RPS6KA2: variants seen among roughly 807,000 people sequenced by gnomAD.
The protein encoded by RPS6KA2 is ribosomal protein S6 kinase alpha-2.
A neutral mutation model predicts 91.8 loss-of-function variants in RPS6KA2; 42 were observed. The observed-to-expected ratio is 0.46, with a 90% CI of 0.36 to 0.59. The LOEUF (loss-of-function observed/expected upper bound fraction) is 0.59, where lower values mean the gene tolerates loss of function less well. Ranked by LOEUF, RPS6KA2 falls within the 20% of genes least tolerant of loss-of-function variation. The pLI is 0.00. For missense variants in RPS6KA2, 798 were observed against 978.5 expected, an observed-to-expected ratio of 0.82 and a Z score of 2.46; for synonymous variants, 414 against 393.6, an observed-to-expected ratio of 1.05 and a Z score of -0.61.
At chr6:166,640,813 G>GT (rs1171312020) in intron 2 of RPS6KA2, among the ~76,000 whole-genome samples, 1 of 148,724 alleles carries the variant, frequency 6.7e-6, no homozygotes, top group Non-Finnish European at 1.5e-5. Context: ...GCCAAGCAGG[G>GT]TGTGGGGGGT....
At chr6:166,514,274 C>A (rs1173458190) in intron 3 of RPS6KA2, among the ~76,000 whole-genome samples, 1 of 152,226 alleles carries the variant, frequency 6.6e-6, no homozygotes, top group Non-Finnish European at 1.5e-5. Flanking sequence ...AAGAGGCAGG[C>A]TCTGCCCTCC....
intron 2 of RPS6KA2, among the ~76,000 whole-genome samples, chr6:166,791,343 A>C (rs1483174891): frequency 6.6e-6 from 1 of 152,178 alleles, no homozygotes; most frequent in African/African-American, 2.4e-5. Flanking sequence ...CACCCAATAC[A>C]GGAGCACCCA....
Position 166,666,562 on chromosome 6 carries a change from G to A in RPS6KA2, c.124-127778C>T, listed in dbSNP as rs908041475. Among the ~76,000 whole-genome samples the A allele has an allele frequency of 6.6e-6, 1 of 152,122 alleles. No homozygotes were observed. Among genetic ancestry groups the A allele is most frequent in the Non-Finnish European group, 1.5e-5 (1 of 68,026 alleles). ...CAACACCACAAGCAAATCAACACCC[G>A]ATAAGATACCCCCTCTCACCTGTTG... On this transcript the variant is annotated intron_variant, in intron 2 of 21. Transcript: ENST00000503859. This position sits in a 1 kb window ranked among gnomAD's most constrained non-coding sequence, Gnocchi z 4.0.
Position 166,434,095 on chromosome 6 carries a change from C to T in RPS6KA2, c.1333-1605G>A, listed in dbSNP as rs562060268. 2.0e-5 allele frequency among the ~76,000 whole-genome samples: 3 copies of T among 152,206 alleles called. No homozygotes were observed. Among genetic ancestry groups the T allele is most frequent in the Non-Finnish European group, 4.4e-5 (3 of 68,046 alleles). ...TTTAGAGAACCAAACGCTTGGGTAG[C>T]ATTTGACTCACTGCTCATAATCTGT... On this transcript the variant is annotated intron_variant, in intron 14 of 20. Transcript: ENST00000265678. This position sits in a 1 kb window ranked among gnomAD's most constrained non-coding sequence, Gnocchi z 4.4.
At chr6:166,579,809 T>C (rs1784949292) in intron 1 of RPS6KA2, among the ~76,000 whole-genome samples, 1 of 152,214 alleles carries the variant, frequency 6.6e-6, no homozygotes, top group Non-Finnish European at 1.5e-5. Flanking sequence ...ATTGAAATTT[T>C]ATCTCTAAAG....
intron 2 of RPS6KA2, among the ~76,000 whole-genome samples, chr6:166,743,686 C>T (rs968444265): frequency 1.3e-5 from 2 of 152,222 alleles, no homozygotes; most frequent in African/African-American, 4.8e-5. Flanking sequence ...ATGCCCCTGG[C>T]GGCGCCATGC....
At chr6:166,469,952 T>A (rs1201157651) in intron 10 of RPS6KA2, 47 bp from the exon 11 acceptor site, 2 of 1,529,640 alleles carry the variant, frequency 1.3e-6, no homozygotes, top group Non-Finnish European at 1.8e-6. Context: ...CAAGATGGGG[T>A]TCTCTGACAG....
intron 10 of RPS6KA2, among the ~76,000 whole-genome samples, chr6:166,473,169 AAGTGC>A (rs1467024883): frequency 6.6e-6 from 1 of 151,750 alleles, no homozygotes; most frequent in Non-Finnish European, 1.5e-5. Flanking sequence ...TCAATGACTA[AAGTGC>A]AGTGCAGTGC....
intron 2 of RPS6KA2, among the ~76,000 whole-genome samples, chr6:166,699,340 C>A (rs1294882788): frequency 6.6e-6 from 1 of 152,086 alleles, no homozygotes; most frequent in Non-Finnish European, 1.5e-5. Flanking sequence ...CAAGAAGAAT[C>A]TTGAGAGAAG....
chr6:166,654,328 A>T (rs1410666006), intron 2 of RPS6KA2, among the ~76,000 whole-genome samples: 3 of 152,236 alleles, frequency 2.0e-5, no homozygotes, highest in African/African-American at 7.2e-5. Context: ...TCTAGTAATG[A>T]ACGTGAAACA....
At chr6:166,509,613 CTCA>C (rs1182076955) in intron 4 of RPS6KA2, among the ~76,000 whole-genome samples, 2 of 152,234 alleles carry the variant, frequency 1.3e-5, no homozygotes, top group Non-Finnish European at 1.5e-5. Context: ...CTGTACTTTG[CTCA>C]TCTGGATTAT....
At position 166,533,453 on chromosome 6, in the gene RPS6KA2, G is replaced by A. The variant is rs959420229; in HGVS notation, c.217-2140C>T. Among the ~76,000 whole-genome samples, 2 of 152,250 alleles carry A rather than the reference G, an allele frequency of 1.3e-5. No homozygotes were observed. Among genetic ancestry groups the A allele is most frequent in the Non-Finnish European group, 2.9e-5 (2 of 68,046 alleles). ...AAAAGTCGGAGGGGGTGTGGAACAAGGGACAGTTGTGTTTGTGGCAGGGAC... is the reference window on the plus strand; with the variant it reads ...AAAAGTCGGAGGGGGTGTGGAACAAAGGACAGTTGTGTTTGTGGCAGGGAC... On this transcript the variant is annotated intron_variant, in intron 2 of 20. Coordinates refer to ENST00000265678, the MANE Select transcript of RPS6KA2 (RefSeq NM_021135.6). The surrounding 1 kb of genome is among the most constrained non-coding windows in gnomAD (Gnocchi z 4.0).
chr6:166,431,359 T>C (rs182511655), intron 15 of RPS6KA2, among the ~76,000 whole-genome samples: 3 of 152,342 alleles, frequency 2.0e-5, no homozygotes, highest in Admixed American at 2.0e-4. Flanking sequence ...CTAAAATGCA[T>C]GTTCTGGTCC....
At chr6:166,702,102 A>G in intron 2 of RPS6KA2, 1 of 1,475,088 alleles carries the variant, frequency 6.8e-7, no homozygotes, top group Non-Finnish European at 9.5e-7. Context: ...ATAGTAATCG[A>G]CTTCTCAGCA....
intron 2 of RPS6KA2, among the ~76,000 whole-genome samples, chr6:166,819,283 A>G (rs1017728547): frequency 1.3e-5 from 2 of 152,152 alleles, no homozygotes; most frequent in Non-Finnish European, 2.9e-5. Flanking sequence ...ATATATAAAT[A>G]TTTATTTTTA....
intron 10 of RPS6KA2, among the ~76,000 whole-genome samples, chr6:166,474,699 C>T (rs1163837715): frequency 6.6e-6 from 1 of 152,178 alleles, no homozygotes; most frequent in Non-Finnish European, 1.5e-5. Context: ...GATACATTTA[C>T]AGCTGTTTCT....
Position 166,821,973 on chromosome 6 carries a change from C to T in RPS6KA2, c.123+36227G>A, listed in dbSNP as rs1053944517. ...CTCTCCCTCAGCCTCCCATCAAATG[C>T]GTTGGCAAGTCTGACAGCCCCAAGC... On this transcript the variant is annotated intron_variant, in intron 2 of 21. Transcript: ENST00000503859. This position sits in a 1 kb window ranked among gnomAD's most constrained non-coding sequence, Gnocchi z 4.1. 6.6e-6 allele frequency among the ~76,000 whole-genome samples: 1 copy of T among 152,130 alleles called. No individual in the cohort carries two copies. Among genetic ancestry groups the T allele is most frequent in the African/African-American group, 2.4e-5 (1 of 41,432 alleles).
chr6:166,634,433 T>C (rs753831183), intron 2 of RPS6KA2, among the ~76,000 whole-genome samples: 16 of 152,200 alleles, frequency 1.1e-4, no homozygotes, highest in Non-Finnish European at 1.8e-4. Context: ...CCCTCCATTT[T>C]ACCACCTCGA....
At chr6:166,638,292 C>T (rs1562357497) in intron 2 of RPS6KA2, among the ~76,000 whole-genome samples, 1 of 152,252 alleles carries the variant, frequency 6.6e-6, no homozygotes, top group Non-Finnish European at 1.5e-5. Context: ...AGCCAGCCAG[C>T]CGCAGACTCG....
Sources: allele counts gnomAD v4.1 joint callset (sites outside exome capture counted in the v4.1 genomes callset), GRCh38; gene constraint gnomAD v4.1.1; non-coding constraint Gnocchi (gnomAD v3.1); transcripts MANE v1.5; gene names NCBI Gene and HGNC (gene_info 2026-07-23, HGNC 2026-07-21).